The following SKAP2 variants were observed in gnomAD, a reference collection of about 807,000 sequenced individuals.
The protein encoded by SKAP2 is src kinase associated phosphoprotein 2, also known as src kinase-associated phosphoprotein 2.
SKAP2 carries 28 observed loss-of-function variants against 54.9 expected under a neutral mutation model. The observed-to-expected ratio is 0.51, with a 90% CI of 0.38 to 0.70. The LOEUF is 0.70. Ranked by LOEUF, SKAP2 falls within the 30% of genes least tolerant of loss-of-function variation. SKAP2 has a pLI of 0.00. For synonymous variants in SKAP2, 137 were observed against 134.3 expected (o/e 1.02, Z -0.14); for missense variants, 356 against 424.1 (o/e 0.84, Z 1.41).
chr7:26,684,934 G>T, intron 10 of SKAP2, 86 bp from the exon 11 acceptor site: 1 of 745,570 alleles, frequency 1.3e-6, no homozygotes, highest in Non-Finnish European at 2.3e-6. Context: ...ATTAAATGAT[G>T]CCCTAGATCA....
intron 1 of SKAP2, 29 bp downstream of exon 1, chr7:26,864,334 A>G: frequency 1.2e-6 from 2 of 1,613,414 alleles, no homozygotes; most frequent in Non-Finnish European, 1.7e-6. Flanking sequence ...CCGCCCCGAC[A>G]GCATTATCGC....
At chr7:26,855,483 T>TA (rs1202620853) in intron 1 of SKAP2, among the ~76,000 whole-genome samples, 1 of 152,050 alleles carries the variant, frequency 6.6e-6, no homozygotes, top group Non-Finnish European at 1.5e-5. Flanking sequence ...TACCCTCAAA[T>TA]AAAAAAGATA....
chr7:26,716,771 C>T (rs1787453943), intron 9 of SKAP2, among the ~76,000 whole-genome samples: 1 of 152,044 alleles, frequency 6.6e-6, no homozygotes, highest in Non-Finnish European at 1.5e-5. Flanking sequence ...CATACATTTC[C>T]TAACAAAAAT....
At chr7:26,743,307 A>G (rs12333409) in intron 4 of SKAP2, among the ~76,000 whole-genome samples, 12,920 of 152,282 alleles carry the variant, frequency 0.085, 610 homozygotes, top group Middle Eastern at 0.16. Flanking sequence ...ATATGTTACT[A>G]TAACTGTAAC....
chr7:26,808,284 T>TA (rs1343734147), intron 4 of SKAP2, among the ~76,000 whole-genome samples: 1 of 152,088 alleles, frequency 6.6e-6, no homozygotes, highest in Non-Finnish European at 1.5e-5. Context: ...TTATTAGCTT[T>TA]AAAAAAAGAA....
chr7:26,713,663 G>C (rs906301529), intron 9 of SKAP2, among the ~76,000 whole-genome samples: 1 of 151,690 alleles, frequency 6.6e-6, no homozygotes, highest in Non-Finnish European at 1.5e-5. Flanking sequence ...GCAGTGGCGC[G>C]ATCTCGGCTC....
chr7:26,782,196 A>G (rs1783442721), intron 4 of SKAP2, among the ~76,000 whole-genome samples: 1 of 152,186 alleles, frequency 6.6e-6, no homozygotes, highest in Non-Finnish European at 1.5e-5. Context: ...ATTTGGGTAT[A>G]TGTTGAGAAA....
intron 4 of SKAP2, among the ~76,000 whole-genome samples, chr7:26,763,353 TC>T (rs1782975445): frequency 6.6e-6 from 1 of 152,080 alleles, no homozygotes. Flanking sequence ...TCCAAGGGAT[TC>T]CAAAAATTTA....
chr7:26,749,872 T>G (rs566021130), intron 4 of SKAP2, among the ~76,000 whole-genome samples: 1 of 151,718 alleles, frequency 6.6e-6, no homozygotes, highest in East Asian at 1.9e-4. Context: ...CTTAAATATG[T>G]TTTTTAAGCA....
intron 4 of SKAP2, among the ~76,000 whole-genome samples, chr7:26,804,738 CAAA>C (rs11306463): frequency 8.0e-5 from 7 of 87,422 alleles, no homozygotes; most frequent in Non-Finnish European, 1.2e-4. Context: ...GACCCCGTCT[CAAA>C]AAAAAAAAAA....
chr7:26,656,621 AC>A, the SKAP2 span, among the ~76,000 whole-genome samples: 1 of 152,252 alleles, frequency 6.6e-6, no homozygotes, highest in African/African-American at 2.4e-5. Flanking sequence ...TATTATACAA[AC>A]CCCAAAGAGC....
At chr7:26,809,140 G>A (rs1252775741) in intron 4 of SKAP2, among the ~76,000 whole-genome samples, 2 of 152,164 alleles carry the variant, frequency 1.3e-5, no homozygotes, top group East Asian at 1.9e-4. Context: ...CTGGCCGGGC[G>A]CGGTGGCTCA....
At chr7:26,849,181 T>G (rs986780150) in intron 3 of SKAP2, among the ~76,000 whole-genome samples, 6 of 152,226 alleles carry the variant, frequency 3.9e-5, no homozygotes, top group Non-Finnish European at 8.8e-5. Flanking sequence ...TATTCTGCTA[T>G]TCTTAGTCCA....
At chr7:26,658,576 G>A in the SKAP2 span, among the ~76,000 whole-genome samples, 5 of 151,680 alleles carry the variant, frequency 3.3e-5, no homozygotes, top group Admixed American at 2.6e-4. Flanking sequence ...ACTTAAAACT[G>A]ACATGTTTAC....
chr7:26,775,335 A>C (rs1783281401), intron 4 of SKAP2, among the ~76,000 whole-genome samples: 3 of 151,898 alleles, frequency 2.0e-5, no homozygotes. Context: ...CTGACTTTTA[A>C]ATTTTTTTGA....
chr7:26,752,862 T>G (rs73683510), intron 4 of SKAP2, among the ~76,000 whole-genome samples: 17,053 of 152,240 alleles, frequency 0.11, 1,296 homozygotes, highest in African/African-American at 0.21. Context: ...TGTGAAATTT[T>G]AAGCATATAC....
chr7:26,698,278 T>C (rs1196325725), intron 9 of SKAP2, among the ~76,000 whole-genome samples: 1 of 152,224 alleles, frequency 6.6e-6, no homozygotes, highest in African/African-American at 2.4e-5. Context: ...ACCATTAGAC[T>C]TACTGGCTCC....
At chr7:26,678,801 C>G (rs1786418101) in intron 11 of SKAP2, among the ~76,000 whole-genome samples, 1 of 152,070 alleles carries the variant, frequency 6.6e-6, no homozygotes, top group Non-Finnish European at 1.5e-5. Flanking sequence ...CTATAATTTA[C>G]TAAATATCGA....
chr7:26,688,979 T>C (rs1786714850), intron 10 of SKAP2, among the ~76,000 whole-genome samples: 1 of 152,222 alleles, frequency 6.6e-6, no homozygotes, highest in African/African-American at 2.4e-5. Flanking sequence ...CAGTGTTTTA[T>C]AGCTTCATTT....
Sources: allele counts gnomAD v4.1 joint callset (sites outside exome capture counted in the v4.1 genomes callset), GRCh38; gene constraint gnomAD v4.1.1; transcripts MANE v1.5; gene names NCBI Gene and HGNC (gene_info 2026-07-23, HGNC 2026-07-21).